The following SLC2A4RG variants were observed in gnomAD, a reference collection of about 807,000 sequenced individuals.
The protein encoded by SLC2A4RG is GLUT4 enhancer factor.
In SLC2A4RG, 23 loss-of-function variants were observed where a neutral mutation model predicts 35.5. The ratio of observed to expected loss-of-function variants is 0.65; its 90% CI spans 0.47 to 0.92. The LOEUF (loss-of-function observed/expected upper bound fraction) is 0.92. Ranked by LOEUF, SLC2A4RG falls within the 40% of genes least tolerant of loss-of-function variation. The pLI is 0.00. For missense variants in SLC2A4RG, 539 were observed against 525.0 expected (o/e 1.03, Z -0.26); for synonymous variants, 306 against 243.7 (o/e 1.26, Z -2.38).
In SLC2A4RG at chr20:63,742,404, T is replaced by C; in HGVS notation, c.749T>C (p.Val250Ala). ...DFYYTELDVG[V>A]DTLTDGLSSL... ...TACTACACAGAGCTGGATGTTGGTG[T>C]GGACACGCTGACCGACGGGCTGTCC... Residue 250 changes from valine (V) to alanine (A), a missense_variant, in exon 6 of 8, where the codon GTG becomes GCG. Transcript: ENST00000266077. 6.2e-7 allele frequency: 1 copy of C among 1,611,428 alleles called. No individual in the cohort carries two copies. The highest frequency in any genetic ancestry group is 8.5e-7 in the Non-Finnish European group (1 of 1,179,380).
At position 63,742,072 on chromosome 20, in the gene SLC2A4RG, G is replaced by T. The variant is rs771293708; in HGVS notation, c.579+16G>T. The T allele has an allele frequency of 1.1e-5, 17 of 1,611,174 alleles. No individual in the cohort carries two copies. In the South Asian group the frequency reaches 1.9e-4, roughly 18 times the overall value. On this transcript the variant is annotated intron_variant, in intron 4 of 7. Transcript: ENST00000266077. ...AAAAAGGAAGGTGAGCTTGGGGGCG[G>T]CCCCCAGGGAGGGGCGGGTGTGGCG...
At position 63,743,904 on chromosome 20, in the gene SLC2A4RG, T is replaced by C. The variant is rs1372611230; in HGVS notation, c.*914T>C. ...GACACATCTCCAATACAAACACAGG[T>C]TTATAATAAGTAATAGGAAGTCAAT... is the stretch of plus-strand genomic sequence containing the variant. On this transcript the variant is annotated 3_prime_UTR_variant, in exon 8 of 8. Transcript: ENST00000266077. 1 of 152,042 alleles carries C rather than the reference T, an allele frequency of 6.6e-6. No homozygotes were observed. Among genetic ancestry groups the C allele is most frequent in the Admixed American group, 6.6e-5 (1 of 15,236 alleles). The allele number at this position is 152,042 out of a possible 1,614,324, so 9.4% of individuals were successfully genotyped here.
intron 1 of SLC2A4RG, 39 bp downstream of exon 1, chr20:63,740,077 C>T (rs891145787): frequency 1.1e-6 from 1 of 924,128 alleles, no homozygotes; most frequent in African/African-American, 1.8e-5. Flanking sequence ...GACCAAGTTT[C>T]TCTCGCTGCA....
In SLC2A4RG at chr20:63,741,861, C is replaced by G; in HGVS notation, c.392-8C>G. 6.3e-7 allele frequency: 1 copy of G among 1,582,360 alleles called. No homozygotes were observed. Among genetic ancestry groups the G allele is most frequent in the South Asian group, 1.1e-5 (1 of 87,726 alleles). ...AAGTTCTAAGGCGGGGGGCCCGTGT[C>G]CCCACAGAGCCTGGCCTGGAGCCCT... On this transcript the variant is annotated splice_polypyrimidine_tract_variant and splice_region_variant and intron_variant, in intron 3 of 7. Coordinates refer to ENST00000266077, the MANE Select transcript of SLC2A4RG (RefSeq NM_020062.4).
rs1455510152 is a variant in SLC2A4RG at position 63,742,573 on chromosome 20, C to T, written c.918C>T (p.Thr306=). ...PPLPPPPVLS[T]VANPQSCHSD... ...TGCCCCCGCCCCCTGTCCTGAGCAC[C>T]GTTGCTAACCCCCAGTCCTGTCACA... Residue 306 remains threonine, a synonymous_variant, in exon 6 of 8, where the codon ACC becomes ACT. Coordinates refer to ENST00000266077, the MANE Select transcript of SLC2A4RG (RefSeq NM_020062.4). 45 of 1,579,442 alleles carry T rather than the reference C, an allele frequency of 2.8e-5. 1 individual carries two copies. The highest frequency in any genetic ancestry group is 4.6e-5 in the South Asian group (4 of 86,446).
At chr20:63,742,292 A>G (rs780841403) in intron 5 of SLC2A4RG, 44 bp from the exon 6 acceptor site, 6 of 1,603,400 alleles carry the variant, frequency 3.7e-6, no homozygotes, top group South Asian at 1.1e-5. Flanking sequence ...AGGCCCGGCC[A>G]GGCCACCCCT....
chr20:63,740,340 A>C (rs1601365063), intron 1 of SLC2A4RG, 37 bp from the exon 2 acceptor site: 1 of 1,202,472 alleles, frequency 8.3e-7, no homozygotes. Flanking sequence ...TCCCCCGGCC[A>C]CCGCCTCCGC....
chr20:63,740,331 C>T, intron 1 of SLC2A4RG, 46 bp from the exon 2 acceptor site: 2 of 1,186,200 alleles, frequency 1.7e-6, no homozygotes, highest in Non-Finnish European at 2.1e-6. Context: ...GGACCCCCCT[C>T]CCCCGGCCAC....
rs537149520 is a variant in SLC2A4RG, at chr20:63,742,605, G to T, written c.950G>T (p.Arg317Leu). The T allele has an allele frequency of 2.5e-6, 4 of 1,575,934 alleles. No homozygotes were observed. The highest frequency in any genetic ancestry group is 1.2e-5 in the South Asian group (1 of 86,318). The change falls in exon 6 of 8, where the codon CGT (arginine) becomes CTT (leucine). Residue 317 changes from arginine to leucine, a missense_variant. Coordinates refer to ENST00000266077, the MANE Select transcript of SLC2A4RG (RefSeq NM_020062.4). Reference sequence around the variant, plus strand: ...AACCCCCAGTCCTGTCACAGTGACCGTGTCTACCAGGTGGGTGAGGCCACG... The same window carrying T: ...AACCCCCAGTCCTGTCACAGTGACCTTGTCTACCAGGTGGGTGAGGCCACG... ...VANPQSCHSD[R>L]VYQGCLTPAR...
chr20:63,742,987 C>CT lies in SLC2A4RG; in HGVS notation c.1162dup (p.Ter388LeufsTer9). ...AGAAAGCCTGCCAGCGGTTCCTGGA[C>CT]TAAGTCCGGCTCGTTCAAGAACATA... On this transcript the variant is annotated frameshift_variant, in exon 8 of 8. Coordinates refer to ENST00000266077, the MANE Select transcript of SLC2A4RG (RefSeq NM_020062.4). LOFTEE classifies it high-confidence loss of function. The CT allele has an allele frequency of 1.2e-6, 2 of 1,607,924 alleles. No homozygotes were observed. Among genetic ancestry groups the CT allele is most frequent in the Non-Finnish European group, 1.7e-6 (2 of 1,177,262 alleles).
chr20:63,741,717 G>A, intron 3 of SLC2A4RG, 152 bp from the exon 4 acceptor site: 2 of 1,409,824 alleles, frequency 1.4e-6, no homozygotes, highest in South Asian at 1.5e-5. Flanking sequence ...CCTTTCCTGT[G>A]CCGGGGGGGT....
chr20:63,743,074 C>A lies in SLC2A4RG; in HGVS notation c.*84C>A. ...CGGGGCTGAAACAGCCCGAGGACAG[C>A]CCCAGGGGCTGGCTTTCACCAGCTG... On this transcript the variant is annotated 3_prime_UTR_variant, in exon 8 of 8. Transcript: ENST00000266077. The A allele has an allele frequency of 1.1e-6, 1 of 933,330 alleles. No homozygotes were observed. The highest frequency in any genetic ancestry group is 1.5e-6 in the Non-Finnish European group (1 of 685,564). The allele number at this position is 933,330 out of a possible 1,614,324, so 57.8% of individuals were successfully genotyped here. A position where few individuals can be genotyped will look rare whatever the true frequency, so the allele number is the denominator to read the frequency against.
chr20:63,740,459 C>A lies in SLC2A4RG; in HGVS notation c.209C>A (p.Ala70Asp), dbSNP rs1241221327. 5 of 1,229,612 alleles carry A rather than the reference C, an allele frequency of 4.1e-6. No individual in the cohort carries two copies. The highest frequency in any genetic ancestry group is 4.1e-5 in the South Asian group (1 of 24,376). 76.2% of individuals were successfully genotyped at this position (1,229,612 alleles called of 1,614,324 possible). A position where few individuals can be genotyped will look rare whatever the true frequency, so the allele number is the denominator to read the frequency against. The change falls in exon 2 of 8, where the codon GCC becomes GAC. Residue 70 changes from alanine (A) to aspartate (D), a missense_variant. Transcript: ENST00000266077. Reference sequence around the variant, plus strand: ...GAGCCGCGGGCCTCGGACCTGGGGGCCCCCCGGACGTGGACGGGGGCGGCG... The same window carrying A: ...GAGCCGCGGGCCTCGGACCTGGGGGACCCCCGGACGTGGACGGGGGCGGCG... ...ESEPRASDLG[A>D]PRTWTGAAAG... is the part of the protein sequence containing the mutation.
intron 1 of SLC2A4RG, 85 bp downstream of exon 1, chr20:63,740,123 C>T (rs1378745526): frequency 4.3e-6 from 3 of 690,878 alleles, no homozygotes; most frequent in Non-Finnish European, 5.3e-6. Context: ...TTCGGGCCCC[C>T]GGGGGCGGGG....
Position 63,739,818 on chromosome 20 carries a change from CG to C in SLC2A4RG, c.-90del. 1.1e-6 allele frequency: 1 copy of C among 949,526 alleles called. No homozygotes were observed. The highest frequency in any genetic ancestry group is 1.2e-6 in the Non-Finnish European group (1 of 804,346). 58.8% of individuals were successfully genotyped at this position (949,526 alleles called of 1,614,324 possible). A position where few individuals can be genotyped will look rare whatever the true frequency, so the allele number is the denominator to read the frequency against. ...GCGCGGGCGGCGGCCGGATCCAGGGCGGGGGTCGGCGGCCCGGCCAGCCCGG... is the reference window on the plus strand; with the variant it reads ...GCGCGGGCGGCGGCCGGATCCAGGGCGGGGTCGGCGGCCCGGCCAGCCCGG... On this transcript the variant is annotated 5_prime_UTR_variant, in exon 1 of 8. Coordinates refer to ENST00000266077, the MANE Select transcript of SLC2A4RG (RefSeq NM_020062.4).
intron 5 of SLC2A4RG, 41 bp from the exon 6 acceptor site, chr20:63,742,295 C>T: frequency 1.2e-6 from 2 of 1,603,894 alleles, no homozygotes; most frequent in Non-Finnish European, 1.7e-6. Context: ...CCCGGCCAGG[C>T]CACCCCTTCA....
At chr20:63,741,589 C>T (rs747489045) in intron 3 of SLC2A4RG, 110 bp downstream of exon 3, 6 of 1,166,876 alleles carry the variant, frequency 5.1e-6, no homozygotes, top group East Asian at 5.1e-5. Flanking sequence ...GGACTCCTTT[C>T]TAAAATGGAC....
chr20:63,742,468 T>A lies in SLC2A4RG; in HGVS notation c.813T>A (p.Pro271=), dbSNP rs538894251. The A allele has an allele frequency of 1.2e-5, 19 of 1,592,790 alleles. No individual in the cohort carries two copies. In the South Asian group the frequency reaches 1.9e-4, roughly 16 times the overall value. ...TGTCCCCCACGGCCTCCATGCCGCC[T>A]GCCTTCCCCCGCCTGGAGCTGCCAG... ...TPVSPTASMP[P]AFPRLELPEL... is the part of the protein sequence containing the mutation. Residue 271 remains proline, a synonymous_variant, in exon 6 of 8, where the codon CCT becomes CCA. Transcript: ENST00000266077.
In SLC2A4RG at chr20:63,743,977, C is replaced by T. The variant is rs1439176473; in HGVS notation, c.*987C>T. 1 of 152,424 alleles carries T rather than the reference C, an allele frequency of 6.6e-6. No homozygotes were observed. Among genetic ancestry groups the T allele is most frequent in the Non-Finnish European group, 1.5e-5 (1 of 68,034 alleles). 9.4% of individuals were successfully genotyped at this position (152,424 alleles called of 1,614,324 possible). A position where few individuals can be genotyped will look rare whatever the true frequency, so the allele number is the denominator to read the frequency against. On this transcript the variant is annotated 3_prime_UTR_variant, in exon 8 of 8. Transcript: ENST00000266077. ...AAAAATCAACAATCTTCAAACACTG[C>T]CCTTTTTTTGTGTGTTTTGTTTTTG...
Sources: allele counts gnomAD v4.1 joint callset, GRCh38; gene constraint gnomAD v4.1.1; transcripts MANE v1.5; gene names NCBI Gene and HGNC (gene_info 2026-07-23, HGNC 2026-07-21).